The following NRG3 variants were observed in gnomAD, a reference collection of about 807,000 sequenced individuals.
NRG3 encodes pro-neuregulin-3, membrane-bound isoform.
A neutral mutation model predicts 66.9 loss-of-function variants in NRG3; 31 were observed. The observed-to-expected ratio is 0.46, with a 90% CI of 0.35 to 0.63. NRG3 has a LOEUF of 0.63. NRG3 is among the 20% of genes least tolerant of loss of function. The pLI, the probability that NRG3 is intolerant of heterozygous loss-of-function variation, is 0.00. For synonymous variants in NRG3, 393 were observed against 359.4 expected, an observed-to-expected ratio of 1.09 and a Z score of -1.06; for missense variants, 910 against 878.9, an observed-to-expected ratio of 1.04 and a Z score of -0.45.
chr10:82,885,589 G>A (rs1258333396), intron 4 of NRG3, among the ~76,000 whole-genome samples: 2 of 152,198 alleles, frequency 1.3e-5, no homozygotes. Flanking sequence ...TTTGTCCTAT[G>A]TCAATACAGA....
chr10:82,921,483 T>A (rs1172464838), intron 4 of NRG3, among the ~76,000 whole-genome samples: 2 of 152,190 alleles, frequency 1.3e-5, no homozygotes, highest in East Asian at 3.8e-4. Context: ...TCATTCATTG[T>A]GACGAACGTA....
intron 2 of NRG3, among the ~76,000 whole-genome samples, chr10:82,571,605 G>T (rs566023307): frequency 6.6e-6 from 1 of 151,760 alleles, no homozygotes; most frequent in Admixed American, 6.6e-5. Flanking sequence ...AATTTCTGTT[G>T]TACAACCCTT....
chr10:81,892,196 C>G (rs1294306450), intron 1 of NRG3, among the ~76,000 whole-genome samples: 1 of 151,850 alleles, frequency 6.6e-6, no homozygotes, highest in Non-Finnish European at 1.5e-5. Context: ...TATAGGTGTG[C>G]TATTGCCAAG....
intron 2 of NRG3, among the ~76,000 whole-genome samples, chr10:82,462,766 G>A (rs1045648602): frequency 1.3e-5 from 2 of 152,164 alleles, no homozygotes; most frequent in East Asian, 3.9e-4. Context: ...TAGTTTTGGG[G>A]AGAAAGATAG....
chr10:82,741,028 G>T (rs765227002), intron 3 of NRG3, among the ~76,000 whole-genome samples: 1 of 152,140 alleles, frequency 6.6e-6, no homozygotes, highest in East Asian at 1.9e-4. Flanking sequence ...CTGTAAAGTG[G>T]TATATCATTA....
At chr10:82,536,667 G>GT (rs61438629) in intron 2 of NRG3, among the ~76,000 whole-genome samples, 57,849 of 151,626 alleles carry the variant, frequency 0.38, 13,075 homozygotes, top group African/African-American at 0.63. Context: ...CCAAGAAATT[G>GT]GATGGAATGA....
intron 1 of NRG3, among the ~76,000 whole-genome samples, chr10:81,916,961 C>G (rs1465655041): frequency 6.6e-6 from 1 of 152,160 alleles, no homozygotes; most frequent in Non-Finnish European, 1.5e-5. Context: ...AGAAGTGGGA[C>G]TAGGACCACA....
intron 2 of NRG3, among the ~76,000 whole-genome samples, chr10:82,547,095 A>G (rs966530776): frequency 1.3e-5 from 2 of 152,318 alleles, no homozygotes; most frequent in East Asian, 3.9e-4. Context: ...CAAAAGTGTC[A>G]GCACATGAGC....
intron 1 of NRG3, among the ~76,000 whole-genome samples, chr10:82,119,855 A>G (rs2067975139): frequency 6.6e-6 from 1 of 152,084 alleles, no homozygotes; most frequent in African/African-American, 2.4e-5. Flanking sequence ...TGAAAACACG[A>G]GCACCTCTTG....
chr10:82,603,024 G>T (rs642092), intron 2 of NRG3, among the ~76,000 whole-genome samples: 12,822 of 152,232 alleles, frequency 0.084, 623 homozygotes, highest in East Asian at 0.15. Context: ...CTAACAAATT[G>T]GTAAATGTAA....
At chr10:82,629,389 T>C (rs2049653822) in intron 2 of NRG3, among the ~76,000 whole-genome samples, 1 of 152,242 alleles carries the variant, frequency 6.6e-6, no homozygotes, top group African/African-American at 2.4e-5. Flanking sequence ...ATTTTAGTAT[T>C]ATCTTCTGGA....
chr10:82,432,932 A>T lies in NRG3; in HGVS notation c.953+74064A>T, dbSNP rs534044641. On this transcript the variant is annotated intron_variant, in intron 2 of 8. Transcript: ENST00000372141. ...AGTGCAACAATAAACATATGTCTTC[A>T]TGTGTCTGTATAGTAGAATGATTTA... 3.3e-4 allele frequency among the ~76,000 whole-genome samples: 50 copies of T among 152,250 alleles called. 1 individual carries two copies. The highest frequency in any genetic ancestry group is 6.5e-4 in the Non-Finnish European group (44 of 68,008).
intron 2 of NRG3, among the ~76,000 whole-genome samples, chr10:82,632,800 G>A (rs2049933901): frequency 6.6e-6 from 1 of 152,050 alleles, no homozygotes; most frequent in Admixed American, 6.5e-5. Context: ...TTTTCCTCTT[G>A]ATGATTGACT....
chr10:82,386,096 A>G (rs927681566), intron 2 of NRG3, among the ~76,000 whole-genome samples: 3 of 152,124 alleles, frequency 2.0e-5, no homozygotes, highest in Non-Finnish European at 4.4e-5. Flanking sequence ...GTTTAAGCAC[A>G]TTTGTTTACT....
chr10:82,850,084 G>A (rs1236136220), intron 3 of NRG3, among the ~76,000 whole-genome samples: 1 of 152,184 alleles, frequency 6.6e-6, no homozygotes, highest in Admixed American at 6.5e-5. Context: ...GACAGAAGGG[G>A]CTACGTGAAC....
chr10:82,282,599 G>A (rs1017862331), intron 1 of NRG3, among the ~76,000 whole-genome samples: 2 of 152,092 alleles, frequency 1.3e-5, no homozygotes, highest in Admixed American at 6.6e-5. Context: ...TTCTAGCCTC[G>A]GTTTCCTCAT....
At chr10:82,801,825 T>C (rs2061052835) in intron 3 of NRG3, among the ~76,000 whole-genome samples, 1 of 152,204 alleles carries the variant, frequency 6.6e-6, no homozygotes, top group African/African-American at 2.4e-5. Flanking sequence ...CTGTGTGATG[T>C]GATGGTAAAT....
intron 2 of NRG3, among the ~76,000 whole-genome samples, chr10:82,717,930 A>T (rs1331752978): frequency 6.6e-6 from 1 of 151,984 alleles, no homozygotes; most frequent in Non-Finnish European, 1.5e-5. Flanking sequence ...TCACAAAACA[A>T]GCCCAAACTC....
chr10:82,809,309 T>C (rs1314189682), intron 3 of NRG3, among the ~76,000 whole-genome samples: 1 of 152,048 alleles, frequency 6.6e-6, no homozygotes, highest in Non-Finnish European at 1.5e-5. Context: ...GAACCAAAGA[T>C]CCACTGTTTT....
Sources: allele counts gnomAD v4.1 joint callset (sites outside exome capture counted in the v4.1 genomes callset), GRCh38; gene constraint gnomAD v4.1.1; transcripts MANE v1.5; gene names NCBI Gene and HGNC (gene_info 2026-07-23, HGNC 2026-07-21).